The following ARIH1 variants were observed in gnomAD, a reference collection of about 807,000 sequenced individuals.
The protein encoded by ARIH1 is ariadne RBR E3 ubiquitin protein ligase 1.
In ARIH1, 8 loss-of-function variants were observed where a neutral mutation model predicts 85.0. The ratio of observed to expected loss-of-function variants is 0.09; its 90% CI spans 0.06 to 0.17. ARIH1 has a LOEUF of 0.17. ARIH1 is among the 10% of genes least tolerant of loss of function. The pLI is 1.00. For missense variants in ARIH1, 311 were observed against 718.1 expected, an observed-to-expected ratio of 0.43 and a Z score of 6.48; for synonymous variants, 238 against 253.6, an observed-to-expected ratio of 0.94 and a Z score of 0.59.
chr15:72,538,593 T>G (rs1395214960), intron 2 of ARIH1, among the ~76,000 whole-genome samples: 5 of 152,238 alleles, frequency 3.3e-5, no homozygotes, highest in Non-Finnish European at 7.3e-5. Context: ...TAGCCAGTGG[T>G]GATCCCTACC....
At chr15:72,495,849 G>A (rs926674444) in intron 1 of ARIH1, among the ~76,000 whole-genome samples, 1 of 151,928 alleles carries the variant, frequency 6.6e-6, no homozygotes, top group Non-Finnish European at 1.5e-5. Flanking sequence ...GCTTATTGAG[G>A]TGTAACTATA....
intron 2 of ARIH1, among the ~76,000 whole-genome samples, chr15:72,543,949 TA>T (rs1799111732): frequency 6.6e-6 from 1 of 152,132 alleles, no homozygotes; most frequent in Non-Finnish European, 1.5e-5. Flanking sequence ...AACATTGTGC[TA>T]AGTATTTACT....
In ARIH1 at chr15:72,599,449, A is replaced by G. The variant is rs2140448505; in HGVS notation, c.*16157A>G. 6.6e-6 allele frequency: 1 copy of G among 152,290 alleles called. No homozygotes were observed. The highest frequency in any genetic ancestry group is 2.1e-4 in the South Asian group (1 of 4,818). 9.4% of individuals were successfully genotyped at this position (152,290 alleles called of 1,614,324 possible). A position where few individuals can be genotyped will look rare whatever the true frequency, so the allele number is the denominator to read the frequency against. ...GCCTCTACTCCCTCCACAGAGACAA[A>G]TATCTTACCAGTTGGTTGTGTTTTC... On this transcript the variant is annotated 3_prime_UTR_variant, in exon 14 of 14. Coordinates refer to ENST00000379887, the MANE Select transcript of ARIH1 (RefSeq NM_005744.5).
At chr15:72,528,928 T>TACA (rs1353109374) in intron 2 of ARIH1, among the ~76,000 whole-genome samples, 1 of 151,950 alleles carries the variant, frequency 6.6e-6, no homozygotes, top group Non-Finnish European at 1.5e-5. Context: ...CGGCTGGGTG[T>TACA]GGTGGCTCAT....
At chr15:72,520,934 C>G (rs2063996832) in intron 2 of ARIH1, among the ~76,000 whole-genome samples, 1 of 152,018 alleles carries the variant, frequency 6.6e-6, no homozygotes, top group African/African-American at 2.4e-5. Context: ...GCCTTGACCT[C>G]CTGGACTCAA....
rs1463709733 is a variant in ARIH1, at chr15:72,582,822, A to C, written c.1590-386A>C. Among the ~76,000 whole-genome samples the C allele has an allele frequency of 2.0e-5, 3 of 152,278 alleles. No homozygotes were observed. In the East Asian group the frequency reaches 5.8e-4, roughly 29 times the overall value. On this transcript the variant is annotated intron_variant, in intron 13 of 13. Transcript: ENST00000379887. The surrounding 1 kb of genome is among the most constrained non-coding windows in gnomAD (Gnocchi z 4.6). ...TCCCTTCCCTTAGCCAATTTTAGCTACCATATTTTGTTTACAGTACTTTTA... is the reference window on the plus strand; with the variant it reads ...TCCCTTCCCTTAGCCAATTTTAGCTCCCATATTTTGTTTACAGTACTTTTA...
intron 2 of ARIH1, among the ~76,000 whole-genome samples, chr15:72,537,452 A>G (rs1044167640): frequency 7.2e-5 from 11 of 152,160 alleles, no homozygotes; most frequent in African/African-American, 9.7e-5. Flanking sequence ...CTCAGTTCCA[A>G]TCCCATTCCC....
At chr15:72,545,085 T>A in intron 3 of ARIH1, 121 bp downstream of exon 3, 1 of 821,728 alleles carries the variant, frequency 1.2e-6, no homozygotes, top group African/African-American at 1.7e-5. Flanking sequence ...AGCCATAACC[T>A]ATCAATGTAT....
chr15:72,561,632 A>G (rs968491190), intron 6 of ARIH1, 83 bp downstream of exon 6: 3 of 827,374 alleles, frequency 3.6e-6, no homozygotes, highest in African/African-American at 3.5e-5. Flanking sequence ...ATTTATTGAC[A>G]GTAAAAAACA....
intron 2 of ARIH1, among the ~76,000 whole-genome samples, chr15:72,533,581 C>T (rs2064067706): frequency 6.6e-6 from 1 of 152,092 alleles, no homozygotes; most frequent in Non-Finnish European, 1.5e-5. Context: ...TAATTCCGCT[C>T]TCAGGTATAT....
chr15:72,501,369 A>G (rs2063902682), intron 1 of ARIH1, among the ~76,000 whole-genome samples: 1 of 152,228 alleles, frequency 6.6e-6, no homozygotes, highest in Non-Finnish European at 1.5e-5. Flanking sequence ...TTATTGAACA[A>G]AATCTTATTT....
intron 1 of ARIH1, among the ~76,000 whole-genome samples, chr15:72,479,126 AC>A: frequency 6.6e-6 from 1 of 152,106 alleles, no homozygotes; most frequent in Non-Finnish European, 1.5e-5. Flanking sequence ...GAAATCCAAA[AC>A]TTTTTGAGCA....
At chr15:72,532,210 G>C (rs2064060429) in intron 2 of ARIH1, among the ~76,000 whole-genome samples, 1 of 150,204 alleles carries the variant, frequency 6.7e-6, no homozygotes, top group Admixed American at 6.6e-5. Context: ...CTTTGATGAG[G>C]TTAGGAAAAA....
In ARIH1 at chr15:72,589,688, A is replaced by T. The variant is rs1160799165; in HGVS notation, c.*6396A>T. On this transcript the variant is annotated 3_prime_UTR_variant, in exon 14 of 14. Coordinates refer to ENST00000379887, the MANE Select transcript of ARIH1 (RefSeq NM_005744.5). Reference sequence around the variant, plus strand: ...GGAGATCATAGTTCGCTGGGTTCACATCATGGAAATCGTCTTTGACAAAAC... The same window carrying T: ...GGAGATCATAGTTCGCTGGGTTCACTTCATGGAAATCGTCTTTGACAAAAC... The T allele has an allele frequency of 6.6e-6, 1 of 152,218 alleles. No individual in the cohort carries two copies. The highest frequency in any genetic ancestry group is 2.4e-5 in the African/African-American group (1 of 41,452). The allele number at this position is 152,218 out of a possible 1,614,324, so 9.4% of individuals were successfully genotyped here.
At position 72,592,778 on chromosome 15, in the gene ARIH1, A is replaced by C. The variant is rs1207910052; in HGVS notation, c.*9486A>C. On this transcript the variant is annotated 3_prime_UTR_variant, in exon 14 of 14. Coordinates refer to ENST00000379887, the MANE Select transcript of ARIH1 (RefSeq NM_005744.5). ...ATTGCTGAGTAGTATTTCATTCTAT[A>C]AATATACCACAATTTGTTTATTCAT... 6.6e-6 allele frequency: 1 copy of C among 152,222 alleles called. No homozygotes were observed. Among genetic ancestry groups the C allele is most frequent in the Non-Finnish European group, 1.5e-5 (1 of 68,028 alleles). 9.4% of individuals were successfully genotyped at this position (152,222 alleles called of 1,614,324 possible). A position where few individuals can be genotyped will look rare whatever the true frequency, so the allele number is the denominator to read the frequency against.
At chr15:72,579,274 G>T (rs1367404685) in intron 11 of ARIH1, among the ~76,000 whole-genome samples, 3 of 151,910 alleles carry the variant, frequency 2.0e-5, no homozygotes, top group Admixed American at 2.0e-4. Context: ...GATTTTGCTG[G>T]TTGCAACTGC....
At chr15:72,542,989 AG>A (rs986050155) in intron 2 of ARIH1, among the ~76,000 whole-genome samples, 2 of 149,680 alleles carry the variant, frequency 1.3e-5, no homozygotes, top group African/African-American at 4.9e-5. Flanking sequence ...AGTGCAGTGC[AG>A]TGGCACCATC....
chr15:72,575,451 C>G (rs547281535), intron 11 of ARIH1, among the ~76,000 whole-genome samples: 1 of 147,008 alleles, frequency 6.8e-6, no homozygotes, highest in South Asian at 2.2e-4. Context: ...GTAGTGCACG[C>G]TGGCTGAGGT....
chr15:72,496,710 C>G, intron 1 of ARIH1: 1 of 705,942 alleles, frequency 1.4e-6, no homozygotes, highest in Non-Finnish European at 1.7e-6. Context: ...TTTATATATA[C>G]CTTGATTTTA....
Sources: gnomAD v4.1 joint callset for allele counts (sites outside exome capture counted in the v4.1 genomes callset) on GRCh38, gnomAD v4.1.1 for gene constraint, Gnocchi (gnomAD v3.1) non-coding constraint, MANE v1.5 for transcripts, NCBI Gene and HGNC (gene_info 2026-07-23, HGNC 2026-07-21) for gene names.